Variants in DLG2 observed in about 807,000 individuals in gnomAD.
DLG2 encodes the protein disks large homolog 2.
Under a neutral mutation model 132.5 loss-of-function variants are expected in DLG2, and 45 were observed. The observed-to-expected ratio is 0.34, with a 90% CI of 0.27 to 0.44. The LOEUF (loss-of-function observed/expected upper bound fraction) is 0.44, where lower values mean the gene tolerates loss of function less well. DLG2 is among the 20% of genes least tolerant of loss of function. DLG2 has a pLI of 1.00. For missense variants in DLG2, 1,045 were observed against 1,196.9 expected, an observed-to-expected ratio of 0.87 and a Z score of 1.87; for synonymous variants, 424 against 419.6, an observed-to-expected ratio of 1.01 and a Z score of -0.13.
intron 7 of DLG2, among the ~76,000 whole-genome samples, chr11:84,423,708 A>C (rs1317566025): frequency 4.0e-5 from 6 of 150,662 alleles, no homozygotes; most frequent in Non-Finnish European, 5.9e-5. Context: ...TCTTTTAATT[A>C]CTCAAAGTTA....
intron 6 of DLG2, among the ~76,000 whole-genome samples, chr11:84,849,701 A>G (rs2081953561): frequency 6.6e-6 from 1 of 152,058 alleles, no homozygotes; most frequent in Admixed American, 6.6e-5. Flanking sequence ...CAGTTACGAT[A>G]TGTCACATTT....
chr11:83,649,869 C>A (rs187869096), intron 18 of DLG2, among the ~76,000 whole-genome samples: 17 of 152,272 alleles, frequency 1.1e-4, no homozygotes, highest in Admixed American at 2.0e-4. Flanking sequence ...CCTTAATTTT[C>A]AAGTCTCCAT....
At chr11:85,386,885 T>A (rs1596758387) in intron 3 of DLG2, among the ~76,000 whole-genome samples, 1 of 148,574 alleles carries the variant, frequency 6.7e-6, no homozygotes, top group African/African-American at 2.5e-5. Flanking sequence ...TTAAAGAATA[T>A]CCTTTCTTTT....
chr11:84,716,058 C>A (rs1157096425), intron 6 of DLG2, among the ~76,000 whole-genome samples: 3 of 152,028 alleles, frequency 2.0e-5, no homozygotes, highest in Non-Finnish European at 4.4e-5. Context: ...TTTCTCCATA[C>A]CCTTGACAAC....
intron 9 of DLG2, among the ~76,000 whole-genome samples, chr11:84,101,262 A>T (rs889531767): frequency 6.6e-6 from 1 of 152,126 alleles, no homozygotes; most frequent in African/African-American, 2.4e-5. Flanking sequence ...CTTGTGTAAA[A>T]GCCCTTAGGT....
intron 6 of DLG2, among the ~76,000 whole-genome samples, chr11:84,662,702 G>A (rs944200607): frequency 2.7e-5 from 4 of 148,812 alleles, no homozygotes; most frequent in Non-Finnish European, 3.0e-5. Context: ...CAGGAGAATC[G>A]CTTGAACCTG....
At chr11:84,864,797 C>T (rs960468168) in intron 6 of DLG2, among the ~76,000 whole-genome samples, 14 of 151,928 alleles carry the variant, frequency 9.2e-5, no homozygotes, top group Admixed American at 3.9e-4. Context: ...GAAAGCTTTA[C>T]GGAGGAAGAG....
intron 3 of DLG2, among the ~76,000 whole-genome samples, chr11:85,507,204 A>G (rs2093955870): frequency 6.6e-6 from 1 of 152,164 alleles, no homozygotes; most frequent in Non-Finnish European, 1.5e-5. Flanking sequence ...CATTTAGCCC[A>G]CTTACATTTA....
chr11:83,599,666 T>A (rs192476967), intron 19 of DLG2, among the ~76,000 whole-genome samples: 1 of 152,218 alleles, frequency 6.6e-6, no homozygotes, highest in African/African-American at 2.4e-5. Flanking sequence ...CACTAGACAT[T>A]GTGTTTTTTG....
At chr11:84,227,190 G>A (rs2154332423) in intron 8 of DLG2, among the ~76,000 whole-genome samples, 1 of 152,030 alleles carries the variant, frequency 6.6e-6, no homozygotes, top group South Asian at 2.1e-4. Context: ...TGGAGGAGGT[G>A]GCATTTCAGG....
intron 3 of DLG2, among the ~76,000 whole-genome samples, chr11:85,493,616 G>A (rs550200911): frequency 1.3e-5 from 2 of 151,934 alleles, no homozygotes; most frequent in East Asian, 3.9e-4. Flanking sequence ...GGTGCAGCGA[G>A]CTATGATTGT....
chr11:83,710,665 T>C (rs2085196897), intron 18 of DLG2, among the ~76,000 whole-genome samples: 2 of 152,150 alleles, frequency 1.3e-5, no homozygotes, highest in Non-Finnish European at 2.9e-5. Flanking sequence ...TAACCAAAGC[T>C]TGAAACTGGT....
At chr11:84,550,873 G>T (rs145275194) in intron 6 of DLG2, among the ~76,000 whole-genome samples, 100 of 152,274 alleles carry the variant, frequency 6.6e-4, no homozygotes, top group African/African-American at 2.3e-3. Context: ...TTCTAGTTGC[G>T]TTAGGTAATC....
intron 4 of DLG2, among the ~76,000 whole-genome samples, chr11:85,265,624 A>G (rs560512763): frequency 3.9e-5 from 6 of 152,208 alleles, no homozygotes; most frequent in Admixed American, 1.3e-4. Flanking sequence ...GAGAACTTCT[A>G]TTCCTGTTTG....
At chr11:85,438,057 G>C (rs1375420348) in intron 3 of DLG2, among the ~76,000 whole-genome samples, 6 of 152,194 alleles carry the variant, frequency 3.9e-5, no homozygotes, top group African/African-American at 1.2e-4. Flanking sequence ...GCTTCAGAGA[G>C]CTTCTACTCA....
intron 4 of DLG2, among the ~76,000 whole-genome samples, chr11:85,191,143 TGCGCGCGC>T (rs201015532): frequency 7.1e-6 from 1 of 141,216 alleles, no homozygotes; most frequent in Admixed American, 7.0e-5. Flanking sequence ...TCTATATGCA[TGCGCGCGC>T]GCGCACGCGC....
chr11:84,915,241 C>T (rs1215388134), intron 6 of DLG2, among the ~76,000 whole-genome samples: 3 of 152,012 alleles, frequency 2.0e-5, no homozygotes, highest in Non-Finnish European at 4.4e-5. Flanking sequence ...ATCTTTTAAG[C>T]GGGTCAATAT....
intron 4 of DLG2, among the ~76,000 whole-genome samples, chr11:85,245,537 C>A (rs1198897057): frequency 6.6e-6 from 1 of 151,988 alleles, no homozygotes; most frequent in South Asian, 2.1e-4. Flanking sequence ...CATTTCCAAC[C>A]ATTATACAAT....
intron 6 of DLG2, among the ~76,000 whole-genome samples, chr11:84,623,192 G>T (rs1049053746): frequency 6.6e-6 from 1 of 152,018 alleles, no homozygotes; most frequent in Non-Finnish European, 1.5e-5. Flanking sequence ...ACTTCATCCT[G>T]AGTTTTCCTA....
Sources: gnomAD v4.1 joint callset for allele counts (sites outside exome capture counted in the v4.1 genomes callset) on GRCh38, gnomAD v4.1.1 for gene constraint, MANE v1.5 for transcripts, NCBI Gene and HGNC (gene_info 2026-07-23, HGNC 2026-07-21) for gene names.